UBR3: variants seen among roughly 807,000 people sequenced by gnomAD.
UBR3 encodes E3 ubiquitin-protein ligase UBR3.
A neutral mutation model predicts 243.2 loss-of-function variants in UBR3; 85 were observed. That is an observed-to-expected ratio of 0.35 (90% confidence interval 0.29 to 0.42). The LOEUF (loss-of-function observed/expected upper bound fraction) is 0.42. Ranked by LOEUF, UBR3 falls within the 10% of genes least tolerant of loss-of-function variation. The probability of loss-of-function intolerance (pLI) is 1.00; values close to 1 mark genes in which losing one functional copy is unlikely to be tolerated. For synonymous variants in UBR3, 748 were observed against 799.8 expected (o/e 0.94, Z 1.09); for missense variants, 1,686 against 2,300.8 (o/e 0.73, Z 5.47).
intron 30 of UBR3, among the ~76,000 whole-genome samples, chr2:170,020,715 A>G (rs960924818): frequency 5.3e-5 from 8 of 152,330 alleles, no homozygotes; most frequent in African/African-American, 1.9e-4. Flanking sequence ...ACAGTCATAC[A>G]CTGTAGAATA....
At chr2:170,003,669 T>C (rs1262339477) in intron 27 of UBR3, among the ~76,000 whole-genome samples, 2 of 149,908 alleles carry the variant, frequency 1.3e-5, no homozygotes, top group Non-Finnish European at 3.0e-5. Flanking sequence ...CGAGATGGAG[T>C]CTCACTCTGT....
rs191286805 is a variant in UBR3, at chr2:169,849,190, G to A, written c.545+21138G>A. On this transcript the variant is annotated intron_variant, in intron 1 of 38. Transcript: ENST00000272793. The stretch of plus-strand genomic sequence containing the variant: ...GTGGGGCCCTAGCTGTTTTTGTAAC[G>A]AGTTGTTTGGCATGAGGCCCAGTCA... 1.2e-4 allele frequency among the ~76,000 whole-genome samples: 18 copies of A among 152,286 alleles called. No individual in the cohort carries two copies. The East Asian group carries it at 2.9e-3, about 24-fold the overall frequency.
At position 169,999,827 on chromosome 2, in the gene UBR3, T is replaced by C. The variant is rs114384349; in HGVS notation, c.3919-1477T>C. On this transcript the variant is annotated intron_variant, in intron 26 of 38. Coordinates refer to ENST00000272793, the MANE Select transcript of UBR3 (RefSeq NM_172070.4). ...AAGGAAAGATGAAAGAAAGAAACTT[T>C]TAAAACAAATTTGGAGCCAGGCACG... Among the ~76,000 whole-genome samples the C allele has an allele frequency of 7.9e-3, 1,197 of 152,036 alleles. 11 individuals are homozygous for C. The highest frequency in any genetic ancestry group is 0.027 in the African/African-American group (1,123 of 41,458).
chr2:169,927,474 T>C, intron 17 of UBR3, 69 bp downstream of exon 17: 1 of 1,181,220 alleles, frequency 8.5e-7, no homozygotes, highest in Non-Finnish European at 1.2e-6. Flanking sequence ...TGATTAATAG[T>C]TTATCAATTT....
At chr2:169,918,306 A>AATT (rs2085542430) in intron 11 of UBR3, among the ~76,000 whole-genome samples, 1 of 77,860 alleles carries the variant, frequency 1.3e-5, no homozygotes, top group Non-Finnish European at 3.1e-5. Context: ...ATATATTTTT[A>AATT]CTTTTTTTTT....
chr2:169,909,807 CAATT>C (rs2085180270), intron 10 of UBR3, among the ~76,000 whole-genome samples: 1 of 151,292 alleles, frequency 6.6e-6, no homozygotes, highest in African/African-American at 2.4e-5. Flanking sequence ...TATTTTTTGT[CAATT>C]AAATAAAAAC....
intron 22 of UBR3, 153 bp downstream of exon 22, chr2:169,947,868 C>A (rs2086848351): frequency 4.1e-6 from 4 of 985,036 alleles, no homozygotes; most frequent in East Asian, 1.1e-4. Flanking sequence ...ATCTATGTAA[C>A]TTCTACCTTA....
At chr2:170,058,728 C>G (rs760312756) in intron 33 of UBR3, among the ~76,000 whole-genome samples, 1 of 152,042 alleles carries the variant, frequency 6.6e-6, no homozygotes, top group South Asian at 2.1e-4. Context: ...GTTGCCCAGG[C>G]TGGTCTTGAA....
chr2:169,885,137 A>G lies in UBR3; in HGVS notation c.1039-6028A>G, dbSNP rs115617213. On this transcript the variant is annotated intron_variant, in intron 5 of 38. Transcript: ENST00000272793. ...GTATGGCTTCAGGATTAGAATTTCT[A>G]CACCATTACCTTATAGGCCCATGGG... 6.9e-3 allele frequency among the ~76,000 whole-genome samples: 1,053 copies of G among 152,314 alleles called. 6 individuals are homozygous for G. The highest frequency in any genetic ancestry group is 0.024 in the African/African-American group (987 of 41,568).
intron 38 of UBR3, among the ~76,000 whole-genome samples, chr2:170,081,373 C>G (rs1448670417): frequency 6.6e-6 from 1 of 151,656 alleles, no homozygotes; most frequent in East Asian, 1.9e-4. Flanking sequence ...GGTGGCGGGC[C>G]CCTATAGTCC....
intron 1 of UBR3, among the ~76,000 whole-genome samples, chr2:169,829,057 T>C (rs1273871112): frequency 6.6e-6 from 1 of 152,204 alleles, no homozygotes; most frequent in African/African-American, 2.4e-5. Flanking sequence ...TATTAGCAAC[T>C]ACAGGTTGCT....
At chr2:169,866,511 C>T (rs570822083) in intron 1 of UBR3, among the ~76,000 whole-genome samples, 22 of 151,998 alleles carry the variant, frequency 1.4e-4, no homozygotes, top group African/African-American at 4.1e-4. Context: ...TACAGGCATA[C>T]GCCACCATGT....
intron 18 of UBR3, among the ~76,000 whole-genome samples, chr2:169,930,748 G>T (rs1428293068): frequency 6.6e-6 from 1 of 152,084 alleles, no homozygotes; most frequent in Non-Finnish European, 1.5e-5. Flanking sequence ...TTTAAAAGTG[G>T]TTGAAACAAG....
intron 1 of UBR3, among the ~76,000 whole-genome samples, chr2:169,858,458 T>C (rs1245523691): frequency 6.6e-6 from 1 of 152,098 alleles, no homozygotes; most frequent in East Asian, 1.9e-4. Context: ...GCTGGGACTG[T>C]AGGTATGTGC....
At chr2:169,937,718 C>T (rs969404192) in intron 19 of UBR3, among the ~76,000 whole-genome samples, 1 of 152,128 alleles carries the variant, frequency 6.6e-6, no homozygotes, top group South Asian at 2.1e-4. Context: ...TAGAGGCATT[C>T]CCCAGATGTC....
At chr2:170,045,879 G>A (rs959578565) in intron 32 of UBR3, among the ~76,000 whole-genome samples, 2 of 151,596 alleles carry the variant, frequency 1.3e-5, no homozygotes, top group African/African-American at 4.9e-5. Context: ...TTAAAAAATC[G>A]TGAACACAAT....
chr2:169,907,658 A>C (rs2085069646), intron 10 of UBR3, among the ~76,000 whole-genome samples: 1 of 152,176 alleles, frequency 6.6e-6, no homozygotes, highest in African/African-American at 2.4e-5. Context: ...CTTAAAAATC[A>C]TTCAAGTTCT....
chr2:169,834,619 T>G (rs1316025883), intron 1 of UBR3, among the ~76,000 whole-genome samples: 1 of 152,196 alleles, frequency 6.6e-6, no homozygotes, highest in African/African-American at 2.4e-5. Flanking sequence ...TTATATCCCA[T>G]TTCATCTGTT....
intron 29 of UBR3, chr2:170,014,934 CTTCATA>C (rs2105410752): frequency 6.1e-6 from 1 of 164,434 alleles, no homozygotes; most frequent in African/African-American, 2.4e-5. Flanking sequence ...AAAATTCTTT[CTTCATA>C]TTCATATGCA....
Sources: gnomAD v4.1 joint callset for allele counts (sites outside exome capture counted in the v4.1 genomes callset) on GRCh38, gnomAD v4.1.1 for gene constraint, MANE v1.5 for transcripts, NCBI Gene and HGNC (gene_info 2026-07-23, HGNC 2026-07-21) for gene names.